The following GPC6 variants were observed in gnomAD, a reference collection of about 807,000 sequenced individuals.
GPC6 encodes glypican-6.
A neutral mutation model predicts 55.2 loss-of-function variants in GPC6; 14 were observed. That is an observed-to-expected ratio of 0.25 (90% CI 0.17 to 0.40). GPC6 has a LOEUF of 0.40. Among genes scored for constraint, GPC6 ranks in the 10% least tolerant of loss-of-function variants. The probability of loss-of-function intolerance (pLI) is 1.00; values close to 1 mark genes in which losing one functional copy is unlikely to be tolerated. For synonymous variants in GPC6, 278 were observed against 259.6 expected, an observed-to-expected ratio of 1.07 and a Z score of -0.68; for missense variants, 641 against 708.5, an observed-to-expected ratio of 0.90 and a Z score of 1.08.
intron 4 of GPC6, among the ~76,000 whole-genome samples, chr13:94,047,689 G>A (rs992108430): frequency 1.3e-5 from 2 of 152,102 alleles, no homozygotes; most frequent in African/African-American, 4.8e-5. Context: ...GGTGAAAATG[G>A]TCTTTGCCAA....
At chr13:93,684,045 A>T (rs1881951773) in intron 2 of GPC6, among the ~76,000 whole-genome samples, 1 of 152,160 alleles carries the variant, frequency 6.6e-6, no homozygotes, top group South Asian at 2.1e-4. Flanking sequence ...TCGTGACCTC[A>T]TCTAATGCTA....
chr13:93,471,525 GA>G (rs1879115789), intron 1 of GPC6, among the ~76,000 whole-genome samples: 2 of 151,516 alleles, frequency 1.3e-5, no homozygotes, highest in Admixed American at 6.6e-5. Context: ...CATCTCAAAA[GA>G]AAAAAAAGCA....
chr13:93,637,535 A>G (rs1879749334), intron 2 of GPC6, among the ~76,000 whole-genome samples: 1 of 152,138 alleles, frequency 6.6e-6, no homozygotes, highest in Non-Finnish European at 1.5e-5. Flanking sequence ...GTCTCAGGTT[A>G]TGCATGTGAA....
At chr13:93,955,354 C>T (rs1305177662) in intron 3 of GPC6, among the ~76,000 whole-genome samples, 1 of 150,964 alleles carries the variant, frequency 6.6e-6, no homozygotes, top group Non-Finnish European at 1.5e-5. Flanking sequence ...AGGAAGCAAA[C>T]TTTCCCCAAA....
chr13:93,406,842 C>T (rs1876310059), intron 1 of GPC6, among the ~76,000 whole-genome samples: 1 of 152,092 alleles, frequency 6.6e-6, no homozygotes, highest in Non-Finnish European at 1.5e-5. Flanking sequence ...TTTCACGAAA[C>T]AGCTAACCTG....
intron 4 of GPC6, among the ~76,000 whole-genome samples, chr13:94,192,175 A>T (rs1386802555): frequency 6.6e-6 from 1 of 152,230 alleles, no homozygotes; most frequent in Non-Finnish European, 1.5e-5. Flanking sequence ...CCACTGCTGA[A>T]ATGCAGGCAA....
intron 4 of GPC6, among the ~76,000 whole-genome samples, chr13:94,201,431 C>T (rs965095007): frequency 8.5e-5 from 13 of 152,088 alleles, no homozygotes; most frequent in Non-Finnish European, 1.6e-4. Flanking sequence ...GGTAACTTGA[C>T]GATCCAGGCC....
At chr13:94,101,286 G>A (rs540316612) in intron 4 of GPC6, among the ~76,000 whole-genome samples, 1 of 152,302 alleles carries the variant, frequency 6.6e-6, no homozygotes, top group African/African-American at 2.4e-5. Context: ...AACAGTAAAT[G>A]TTTGCACCAT....
chr13:93,568,034 T>A (rs1311278255), intron 2 of GPC6, among the ~76,000 whole-genome samples: 1 of 152,184 alleles, frequency 6.6e-6, no homozygotes, highest in African/African-American at 2.4e-5. Flanking sequence ...ATAGGTGGTA[T>A]GGTTTAGTTC....
intron 4 of GPC6, among the ~76,000 whole-genome samples, chr13:94,174,797 G>A (rs913447373): frequency 6.6e-6 from 1 of 152,048 alleles, no homozygotes; most frequent in Non-Finnish European, 1.5e-5. Flanking sequence ...AACCATATAT[G>A]GAGAGTTTCA....
intron 2 of GPC6, among the ~76,000 whole-genome samples, chr13:93,807,647 A>G (rs936646387): frequency 9.9e-5 from 15 of 152,206 alleles, no homozygotes; most frequent in African/African-American, 3.4e-4. Flanking sequence ...ACAGAGGCCA[A>G]TGACTTTTGC....
rs1209568525 is a variant in GPC6, at chr13:93,227,782, C to G, written c.160+166C>G. ...TGTTGGGCGGCGGATGCTCCTGCGG[C>G]TTCTTCGGCGGGGGAAGGTGTGCGT... is the stretch of plus-strand genomic sequence containing the variant. On this transcript the variant is annotated intron_variant, in intron 1 of 8. Coordinates refer to ENST00000377047, the MANE Select transcript of GPC6 (RefSeq NM_005708.5). The surrounding 1 kb of genome is among the most constrained non-coding windows in gnomAD (Gnocchi z 4.3). 6.6e-6 allele frequency among the ~76,000 whole-genome samples: 1 copy of G among 152,178 alleles called. No individual in the cohort carries two copies. Among genetic ancestry groups the G allele is most frequent in the Non-Finnish European group, 1.5e-5 (1 of 68,024 alleles).
intron 1 of GPC6, among the ~76,000 whole-genome samples, chr13:93,399,387 C>T (rs1264279342): frequency 2.0e-5 from 3 of 152,164 alleles, no homozygotes; most frequent in African/African-American, 4.8e-5. Flanking sequence ...CCCCTATGAC[C>T]CAGTACCTTG....
At chr13:94,009,440 A>G (rs1014174953) in intron 3 of GPC6, among the ~76,000 whole-genome samples, 1 of 152,156 alleles carries the variant, frequency 6.6e-6, no homozygotes, top group African/African-American at 2.4e-5. Context: ...ATCCCACCCC[A>G]ATTTCTGGTC....
At chr13:93,834,662 A>G (rs1887664160) in intron 3 of GPC6, among the ~76,000 whole-genome samples, 1 of 152,126 alleles carries the variant, frequency 6.6e-6, no homozygotes, top group Non-Finnish European at 1.5e-5. Flanking sequence ...ATAAATTAAG[A>G]TGTAGAAAGA....
At chr13:93,273,955 G>A (rs1253659777) in intron 1 of GPC6, among the ~76,000 whole-genome samples, 1 of 151,606 alleles carries the variant, frequency 6.6e-6, no homozygotes, top group Admixed American at 6.6e-5. Context: ...TTACAGGCAC[G>A]TACCACCATG....
chr13:94,373,849 G>C (rs1289709856), intron 6 of GPC6, among the ~76,000 whole-genome samples: 35 of 147,008 alleles, frequency 2.4e-4, no homozygotes, highest in African/African-American at 3.8e-4. Flanking sequence ...AAGCCCATCA[G>C]ACTAACAGCG....
intron 4 of GPC6, among the ~76,000 whole-genome samples, chr13:94,231,270 G>A (rs1489644430): frequency 6.6e-6 from 1 of 152,132 alleles, no homozygotes; most frequent in Non-Finnish European, 1.5e-5. Context: ...GCTATTTGTA[G>A]AGACAGCTCC....
chr13:93,304,361 C>CT (rs994755587), intron 1 of GPC6, among the ~76,000 whole-genome samples: 3 of 152,178 alleles, frequency 2.0e-5, no homozygotes, highest in Non-Finnish European at 4.4e-5. Flanking sequence ...TTGCTGCTGG[C>CT]TTGTCTGCTG....
Sources: allele counts gnomAD v4.1 joint callset (sites outside exome capture counted in the v4.1 genomes callset), GRCh38; gene constraint gnomAD v4.1.1; non-coding constraint Gnocchi (gnomAD v3.1); transcripts MANE v1.5; gene names NCBI Gene and HGNC (gene_info 2026-07-23, HGNC 2026-07-21).